Variants in LCORL observed in about 807,000 individuals in gnomAD.
LCORL encodes the protein ligand-dependent nuclear receptor corepressor-like protein.
In LCORL, 41 loss-of-function variants were observed where a neutral mutation model predicts 141.8. That is an observed-to-expected ratio of 0.29 (90% confidence interval 0.23 to 0.38). LCORL has a LOEUF of 0.38. Among genes scored for constraint, LCORL ranks in the 10% least tolerant of loss-of-function variants. LCORL has a pLI of 1.00. For synonymous variants in LCORL, 618 were observed against 694.1 expected (o/e 0.89, Z 1.72); for missense variants, 1,759 against 2,035.0 (o/e 0.86, Z 2.61).
chr4:18,020,045 T>C (rs891032213), intron 1 of LCORL, among the ~76,000 whole-genome samples: 3 of 152,174 alleles, frequency 2.0e-5, no homozygotes, highest in Admixed American at 2.0e-4. Flanking sequence ...AAGACCAAAA[T>C]ACATTTTTCG....
intron 4 of LCORL, among the ~76,000 whole-genome samples, chr4:17,915,163 TCTCTC>T: frequency 6.6e-6 from 1 of 152,178 alleles, no homozygotes. Context: ...CATCTCTCTC[TCTCTC>T]ATCACTCCAG....
At chr4:17,865,405 G>C (rs1461980256) in intron 7 of LCORL, among the ~76,000 whole-genome samples, 2 of 152,132 alleles carry the variant, frequency 1.3e-5, no homozygotes, top group East Asian at 3.9e-4. Flanking sequence ...TGTTGCCCAG[G>C]CTGGTCTTGA....
At chr4:17,976,287 C>A (rs374986580) in intron 1 of LCORL, among the ~76,000 whole-genome samples, 1 of 152,146 alleles carries the variant, frequency 6.6e-6, no homozygotes, top group Non-Finnish European at 1.5e-5. Flanking sequence ...GGATTTATAT[C>A]TACCATCTAA....
exon 7 of LCORL, chr4:17,873,942 G>T (rs1726644367): frequency 8.1e-7 from 1 of 1,233,874 alleles, no homozygotes; most frequent in East Asian, 3.2e-5. Flanking sequence ...CTCAAAACTA[G>T]CATGTATTTT....
chr4:17,928,320 G>A (rs1247849176), intron 4 of LCORL, among the ~76,000 whole-genome samples: 2 of 152,122 alleles, frequency 1.3e-5, no homozygotes, highest in Non-Finnish European at 2.9e-5. Flanking sequence ...ACTGAGGTGG[G>A]AGGATCACTT....
intron 2 of LCORL, among the ~76,000 whole-genome samples, chr4:17,970,811 C>G (rs567467599): frequency 6.6e-6 from 1 of 152,152 alleles, no homozygotes; most frequent in Non-Finnish European, 1.5e-5. Context: ...GATCCCATTC[C>G]CTTCCCAAGG....
At chr4:17,908,987 C>T in intron 5 of LCORL, 107 bp downstream of exon 5, 7 of 1,023,866 alleles carry the variant, frequency 6.8e-6, no homozygotes, top group Non-Finnish European at 8.2e-6. Context: ...AATTAAAAGT[C>T]ATATTACATC....
At position 17,946,749 on chromosome 4, in the gene LCORL, T is replaced by C. The variant is rs1000820665; in HGVS notation, c.430+15154A>G. On this transcript the variant is annotated intron_variant, in intron 4 of 7. Transcript: ENST00000635767. ...AGTCTGCATCTTTTAAGGCCTACAA[T>C]CTCATACATCATTGTGTATTAGGAA... is the stretch of plus-strand genomic sequence containing the variant. Among the ~76,000 whole-genome samples, 3 of 152,038 alleles carry C rather than the reference T, an allele frequency of 2.0e-5. No homozygotes were observed. In the South Asian group the frequency reaches 6.2e-4, roughly 32 times the overall value.
At chr4:17,963,249 T>C (rs1301187998) in intron 2 of LCORL, among the ~76,000 whole-genome samples, 200 bp from the exon 3 acceptor site, 1 of 152,012 alleles carries the variant, frequency 6.6e-6, no homozygotes, top group African/African-American at 2.4e-5. Flanking sequence ...TGCACTATTA[T>C]GGGACAAAAT....
exon 8 of LCORL, chr4:17,843,416 T>G (rs1722623444): frequency 1.9e-6 from 3 of 1,611,196 alleles, no homozygotes; most frequent in South Asian, 2.2e-5. Context: ...TCAATGAAGA[T>G]CTAAGTTAGG....
intron 4 of LCORL, among the ~76,000 whole-genome samples, chr4:17,942,919 T>G (rs957341152): frequency 6.6e-6 from 1 of 152,140 alleles, no homozygotes; most frequent in African/African-American, 2.4e-5. Flanking sequence ...TAGATACTCA[T>G]AGGAGAACCA....
intron 5 of LCORL, among the ~76,000 whole-genome samples, chr4:17,901,793 C>T (rs113961584): frequency 0.045 from 6,792 of 151,950 alleles, 499 homozygotes; most frequent in African/African-American, 0.16. Flanking sequence ...AAAAGCATAA[C>T]AAGACCAAAT....
At chr4:17,965,123 T>C (rs7697634) in intron 2 of LCORL, among the ~76,000 whole-genome samples, 36,125 of 151,958 alleles carry the variant, frequency 0.24, 5,478 homozygotes, top group African/African-American at 0.43. Context: ...ACAACAAATG[T>C]TTACACAGTC....
chr4:17,982,259 T>C (rs536428666), intron 1 of LCORL, among the ~76,000 whole-genome samples: 10 of 152,146 alleles, frequency 6.6e-5, no homozygotes, highest in African/African-American at 2.2e-4. Flanking sequence ...TGTCTTTACA[T>C]ACAATACAAC....
intron 7 of LCORL, among the ~76,000 whole-genome samples, chr4:17,854,817 TA>T (rs1433116122): frequency 6.6e-6 from 1 of 152,208 alleles, no homozygotes; most frequent in Non-Finnish European, 1.5e-5. Flanking sequence ...GTGATTACTG[TA>T]TTTGGAGTAG....
chr4:17,879,709 A>T (rs1008048125), intron 6 of LCORL, among the ~76,000 whole-genome samples: 2 of 151,104 alleles, frequency 1.3e-5, no homozygotes, highest in African/African-American at 4.8e-5. Context: ...TTTTTCCAGC[A>T]AATTAAAAAT....
chr4:17,934,610 G>C (rs533075724), intron 4 of LCORL, among the ~76,000 whole-genome samples: 5 of 152,220 alleles, frequency 3.3e-5, no homozygotes, highest in African/African-American at 1.2e-4. Flanking sequence ...TCTGAGAAAG[G>C]TGTGTTGAAG....
intron 4 of LCORL, among the ~76,000 whole-genome samples, chr4:17,953,682 TG>T (rs1212080849): frequency 6.6e-6 from 1 of 152,198 alleles, no homozygotes; most frequent in East Asian, 1.9e-4. Flanking sequence ...GCATTGCTTT[TG>T]ATTCTGAAAA....
exon 7 of LCORL, chr4:17,876,398 C>A (rs887137000): frequency 2.4e-6 from 3 of 1,230,710 alleles, no homozygotes; most frequent in Non-Finnish European, 2.0e-6. Flanking sequence ...CTATCAATTT[C>A]TTGGATGCTT....
Sources: gnomAD v4.1 joint callset for allele counts (sites outside exome capture counted in the v4.1 genomes callset) on GRCh38, gnomAD v4.1.1 for gene constraint, MANE v1.5 for transcripts, NCBI Gene and HGNC (gene_info 2026-07-23, HGNC 2026-07-21) for gene names.